TNRC6C: variants seen among roughly 807,000 people sequenced by gnomAD.
TNRC6C encodes the protein trinucleotide repeat containing adaptor 6C.
Under a neutral mutation model 153.7 loss-of-function variants are expected in TNRC6C, and 20 were observed. That is an observed-to-expected ratio of 0.13 (90% CI 0.09 to 0.19). TNRC6C has a LOEUF of 0.19. Among genes scored for constraint, TNRC6C ranks in the 10% least tolerant of loss-of-function variants. The pLI is 1.00. For missense variants in TNRC6C, 1,987 were observed against 2,172.0 expected, an observed-to-expected ratio of 0.91 and a Z score of 1.69; for synonymous variants, 811 against 841.4, an observed-to-expected ratio of 0.96 and a Z score of 0.63.
intron 1 of TNRC6C, among the ~76,000 whole-genome samples, chr17:77,990,939 C>T (rs565400506): frequency 6.6e-6 from 1 of 152,260 alleles, no homozygotes; most frequent in African/African-American, 2.4e-5. Flanking sequence ...CTGAAATTGA[C>T]ATGCATCTTA....
chr17:78,096,132 A>G (rs2073482023), intron 16 of TNRC6C, among the ~76,000 whole-genome samples: 1 of 152,228 alleles, frequency 6.6e-6, no homozygotes, highest in Non-Finnish European at 1.5e-5. Context: ...CTTTTAAAGT[A>G]AAGACCTTCT....
intron 1 of TNRC6C, among the ~76,000 whole-genome samples, chr17:77,986,672 T>G (rs181661991): frequency 6.6e-6 from 1 of 152,262 alleles, no homozygotes; most frequent in African/African-American, 2.4e-5. Flanking sequence ...TAACCAAAAT[T>G]TTATGAAACT....
intron 5 of TNRC6C, among the ~76,000 whole-genome samples, chr17:78,068,653 G>T (rs2072929229): frequency 1.3e-5 from 2 of 152,140 alleles, no homozygotes; most frequent in Non-Finnish European, 2.9e-5. Context: ...AACTAGCTGG[G>T]CGTGGTGGTG....
chr17:78,050,329 G>A (rs897891847), exon 3 of TNRC6C: 1 of 1,596,600 alleles, frequency 6.3e-7, no homozygotes, highest in Non-Finnish European at 8.5e-7. Flanking sequence ...CCGAAGGCGA[G>A]ATAAAGGGAT....
intron 3 of TNRC6C, among the ~76,000 whole-genome samples, chr17:78,053,525 A>G (rs1398924947): frequency 2.0e-5 from 3 of 151,740 alleles, no homozygotes; most frequent in Non-Finnish European, 4.4e-5. Context: ...GCTACTCAGG[A>G]GGTGAAGGCA....
At position 78,104,878 on chromosome 17, in the gene TNRC6C, C is replaced by A; in HGVS notation, c.*33C>A. The A allele has an allele frequency of 1.4e-6, 2 of 1,389,302 alleles. No homozygotes were observed. Among genetic ancestry groups the A allele is most frequent in the Non-Finnish European group, 1.9e-6 (2 of 1,075,626 alleles). The allele number at this position is 1,389,302 out of a possible 1,614,324, so 86.1% of individuals were successfully genotyped here. A position where few individuals can be genotyped will look rare whatever the true frequency, so the allele number is the denominator to read the frequency against. Reference sequence around the variant, plus strand: ...CATCATCAGCACCAGGAGAGCCGACCCCTCCCGGGACCCCTCCCGGCTGGG... The same window carrying A: ...CATCATCAGCACCAGGAGAGCCGACACCTCCCGGGACCCCTCCCGGCTGGG... On this transcript the variant is annotated 3_prime_UTR_variant, in exon 20 of 20. Transcript: ENST00000301624. This position sits in a 1 kb window ranked among gnomAD's most constrained non-coding sequence, Gnocchi z 6.2.
chr17:77,971,947 G>A (rs574849657), intron 1 of TNRC6C, among the ~76,000 whole-genome samples: 60 of 151,428 alleles, frequency 4.0e-4, no homozygotes, highest in African/African-American at 1.4e-3. Context: ...AGCTTTAAAT[G>A]TATTAAATAT....
At chr17:78,004,068 A>C (rs1372260917), upstream of TNRC6C, 1 of 1,226,426 alleles carries the variant, frequency 8.2e-7, no homozygotes, top group African/African-American at 1.6e-5. Context: ...CCTGTATACC[A>C]TATGCGAAAT....
chr17:77,973,637 G>A (rs2070959814), intron 1 of TNRC6C, among the ~76,000 whole-genome samples: 1 of 152,206 alleles, frequency 6.6e-6, no homozygotes, highest in African/African-American at 2.4e-5. Flanking sequence ...AATAAGTTTA[G>A]TAAGGTCACA....
chr17:78,084,816 A>T (rs1391168884), intron 11 of TNRC6C, among the ~76,000 whole-genome samples: 3 of 151,776 alleles, frequency 2.0e-5, no homozygotes, highest in Non-Finnish European at 2.9e-5. Flanking sequence ...TTTAGTAGAG[A>T]CAGGGTTTCA....
intron 1 of TNRC6C, among the ~76,000 whole-genome samples, chr17:78,018,048 C>T (rs1012629596): frequency 5.3e-5 from 8 of 152,186 alleles, no homozygotes; most frequent in Non-Finnish European, 1.0e-4. Context: ...AAGATAATGT[C>T]TCTTCTACTA....
chr17:77,981,790 A>G (rs564131290), intron 1 of TNRC6C, among the ~76,000 whole-genome samples: 2 of 152,336 alleles, frequency 1.3e-5, no homozygotes, highest in East Asian at 3.9e-4. Flanking sequence ...CATATTGTCT[A>G]TGGCTGGATT....
intron 11 of TNRC6C, among the ~76,000 whole-genome samples, chr17:78,084,337 A>AG (rs1289280536): frequency 1.3e-5 from 2 of 151,846 alleles, no homozygotes; most frequent in African/African-American, 4.8e-5. Flanking sequence ...AAAAAAAAAA[A>AG]AAGAATGGGA....
rs569148994 is a variant in TNRC6C, at chr17:78,054,906, G to A, written c.2395+3449G>A. 1.3e-4 allele frequency among the ~76,000 whole-genome samples: 18 copies of A among 140,716 alleles called. No homozygotes were observed. In the Middle Eastern group the frequency reaches 0.012, roughly 92 times the overall value. The allele number at this position is 140,716 out of a possible 152,430, so 92.3% of individuals were successfully genotyped here. A position where few individuals can be genotyped will look rare whatever the true frequency, so the allele number is the denominator to read the frequency against. Reference sequence around the variant, plus strand: ...ACTGTACGCTACCATACACCACTGCGGACTACTGTATGCTACCATACACCA... The same window carrying A: ...ACTGTACGCTACCATACACCACTGCAGACTACTGTATGCTACCATACACCA... On this transcript the variant is annotated intron_variant, in intron 3 of 19. Coordinates refer to ENST00000301624, the Ensembl canonical transcript of TNRC6C.
chr17:78,081,571 C>A (rs1041999334), intron 10 of TNRC6C, among the ~76,000 whole-genome samples: 1 of 152,200 alleles, frequency 6.6e-6, no homozygotes, highest in African/African-American at 2.4e-5. Flanking sequence ...AGACATTGAT[C>A]TCTCTCAGGT....
exon 15 of TNRC6C, chr17:78,092,972 A>C: frequency 6.2e-7 from 1 of 1,613,916 alleles, no homozygotes; most frequent in Non-Finnish European, 8.5e-7. Context: ...CCTCCAGGTA[A>C]GTCCTCCATT....
upstream of TNRC6C, among the ~76,000 whole-genome samples, chr17:78,003,367 A>G (rs1024594598): frequency 6.6e-6 from 1 of 152,212 alleles, no homozygotes; most frequent in African/African-American, 2.4e-5. Context: ...GATATGCAGA[A>G]AACTTAGAAG....
Position 78,038,635 on chromosome 17 carries a change from T to C in TNRC6C, c.-219+6793T>C, listed in dbSNP as rs2072229200. Among the ~76,000 whole-genome samples the C allele has an allele frequency of 3.5e-5, 5 of 142,314 alleles. No individual in the cohort carries two copies. The South Asian group carries it at 1.1e-3, about 31-fold the overall frequency. 93.4% of individuals were successfully genotyped at this position (142,314 alleles called of 152,430 possible). ...CGGAGCTTGCAGTGAGCTGAGATGG[T>C]GCCACTGCACTCCAGCCTGGGCGAC... is the stretch of plus-strand genomic sequence containing the variant. On this transcript the variant is annotated intron_variant, in intron 2 of 19. Coordinates refer to ENST00000301624, the Ensembl canonical transcript of TNRC6C.
chr17:78,075,497 C>T lies in TNRC6C; in HGVS notation c.3060+219C>T, dbSNP rs2073068871. ...GAATGAAAAAGACTGGGATTGAAAA[C>T]TGATTTTCATATTTATTGTGTGAAC... On this transcript the variant is annotated intron_variant, in intron 8 of 19. Transcript: ENST00000301624. This position sits in a 1 kb window ranked among gnomAD's most constrained non-coding sequence, Gnocchi z 4.2. 1.7e-6 allele frequency: 1 copy of T among 587,686 alleles called. No homozygotes were observed. Among genetic ancestry groups the T allele is most frequent in the Non-Finnish European group, 2.8e-6 (1 of 351,210 alleles). The allele number at this position is 587,686 out of a possible 1,614,324, so 36.4% of individuals were successfully genotyped here. A position where few individuals can be genotyped will look rare whatever the true frequency, so the allele number is the denominator to read the frequency against.
Sources: allele counts gnomAD v4.1 joint callset (sites outside exome capture counted in the v4.1 genomes callset), GRCh38; gene constraint gnomAD v4.1.1; non-coding constraint Gnocchi (gnomAD v3.1); transcripts MANE v1.5; gene names NCBI Gene and HGNC (gene_info 2026-07-23, HGNC 2026-07-21).